Variants in ZNF655 observed in about 807,000 individuals in gnomAD.
The protein encoded by ZNF655 is zinc finger protein 655.
Under a neutral mutation model 6.6 loss-of-function variants are expected in ZNF655, and 3 were observed. The ratio of observed to expected loss-of-function variants is 0.46; its 90% CI spans 0.21 to 1.18. ZNF655 has a LOEUF of 1.18. Among genes scored for constraint, ZNF655 ranks in the 50% most tolerant of loss-of-function variants. ZNF655 has a pLI of 0.24. For missense variants in ZNF655, 526 were observed against 572.3 expected (o/e 0.92, Z 0.83); for synonymous variants, 178 against 195.0 (o/e 0.91, Z 0.73).
intron 2 of ZNF655, 86 bp from the exon 3 acceptor site, chr7:99,572,159 A>AT (rs1341179321): frequency 7.2e-7 from 1 of 1,394,118 alleles, no homozygotes; most frequent in African/African-American, 1.4e-5. Flanking sequence ...TAGATACTAC[A>AT]TTGTTTAGTT....
intron 2 of ZNF655, 190 bp downstream of exon 2, chr7:99,560,885 A>C (rs1803092433): frequency 1.3e-5 from 7 of 538,312 alleles, no homozygotes; most frequent in African/African-American, 3.8e-5. Flanking sequence ...AGGATAGCTC[A>C]TCTTTCTCAA....
At chr7:99,565,329 T>C (rs752525171) in intron 2 of ZNF655, among the ~76,000 whole-genome samples, 1 of 152,086 alleles carries the variant, frequency 6.6e-6, no homozygotes, top group South Asian at 2.1e-4. Flanking sequence ...CCACCATGCC[T>C]GGCTAATCTT....
At chr7:99,562,481 C>T (rs376640653) in intron 2 of ZNF655, 5 of 1,612,776 alleles carry the variant, frequency 3.1e-6, no homozygotes, top group South Asian at 1.1e-5. Context: ...ATTATGGGAA[C>T]GTGGTCTCAC....
At position 99,568,451 on chromosome 7, in the gene ZNF655, C is replaced by T. The variant is rs750233003; in HGVS notation, c.137-3794C>T. ...ATTTTTAGTAGAGACAGGGTTTCAC[C>T]GTGTTAGCCAGGATGGTCTCGATCT... On this transcript the variant is annotated intron_variant, in intron 2 of 2. Coordinates refer to ENST00000252713, the MANE Select transcript of ZNF655 (RefSeq NM_138494.3). 2.3e-4 allele frequency among the ~76,000 whole-genome samples: 35 copies of T among 151,918 alleles called. No individual in the cohort carries two copies. The Middle Eastern group carries it at 0.014, about 59-fold the overall frequency.
intron 1 of ZNF655, among the ~76,000 whole-genome samples, chr7:99,559,271 G>C (rs1324620218): frequency 3.3e-5 from 5 of 152,238 alleles, no homozygotes; most frequent in Admixed American, 6.5e-5. Context: ...TAGCTGGTCT[G>C]AGTTAGCGAA....
At chr7:99,564,229 G>A in intron 2 of ZNF655, 4 of 1,362,858 alleles carry the variant, frequency 2.9e-6, no homozygotes, top group Non-Finnish European at 3.8e-6. Flanking sequence ...ATGGTTGGTG[G>A]TCATCATCTA....
At chr7:99,571,849 C>G (rs1804098023) in intron 2 of ZNF655, 2 of 1,223,508 alleles carry the variant, frequency 1.6e-6, no homozygotes, top group South Asian at 2.8e-5. Flanking sequence ...ATTGTTGAGC[C>G]AAGTTGTAGC....
Position 99,572,605 on chromosome 7 carries a change from TCAAC to T in ZNF655, c.500_503del (p.Asn167ArgfsTer11). 1 of 1,613,694 alleles carries T rather than the reference TCAAC, an allele frequency of 6.2e-7. No individual in the cohort carries two copies. The stretch of plus-strand genomic sequence containing the variant: ...GACAATGATAAGTATGACATGAGCT[TCAAC>T]CAGAATTCAGCCTCTGGTAAACATG... On this transcript the variant is annotated frameshift_variant, in exon 3 of 3. Transcript: ENST00000252713. LOFTEE classifies it low-confidence loss of function (END_TRUNC).
In ZNF655 at chr7:99,572,920, A is replaced by G. The variant is rs1804190315; in HGVS notation, c.812A>G (p.Glu271Gly). 1 of 1,614,042 alleles carries G rather than the reference A, an allele frequency of 6.2e-7. No homozygotes were observed. Among genetic ancestry groups the G allele is most frequent in the Non-Finnish European group, 8.5e-7 (1 of 1,180,014 alleles). The change falls in exon 3 of 3, where the codon GAA (glutamate) becomes GGA (glycine). Residue 271 changes from glutamate (E) to glycine (G), a missense_variant. Glu to Gly is a moderately conservative substitution (Grantham distance 98). Coordinates refer to ENST00000252713, the MANE Select transcript of ZNF655 (RefSeq NM_138494.3). The stretch of plus-strand genomic sequence containing the variant: ...ACTAGAGAAAAACCTTACAAATGTG[A>G]AGCATCTGATAAATCCTGTGAAGCG... ...IHTREKPYKC[E>G]ASDKSCEASD...
chr7:99,568,210 G>A (rs2151162814), intron 2 of ZNF655, among the ~76,000 whole-genome samples: 1 of 151,782 alleles, frequency 6.6e-6, no homozygotes, highest in South Asian at 2.1e-4. Flanking sequence ...TTTATTTATA[G>A]TGGAGTTTCC....
intron 2 of ZNF655, chr7:99,563,859 G>C: frequency 6.2e-7 from 1 of 1,606,978 alleles, no homozygotes; most frequent in Non-Finnish European, 8.5e-7. Context: ...TTTAATCTTT[G>C]TAGGCATACT....
At chr7:99,560,417 C>G (rs1803034094) in intron 1 of ZNF655, 116 bp from the exon 2 acceptor site, 1 of 1,068,526 alleles carries the variant, frequency 9.4e-7, no homozygotes, top group Non-Finnish European at 1.3e-6. Flanking sequence ...TAATCATTAT[C>G]AACTAATTTT....
chr7:99,563,922 A>G (rs138668147), intron 2 of ZNF655: 15 of 1,613,456 alleles, frequency 9.3e-6, no homozygotes, highest in Non-Finnish European at 1.3e-5. Context: ...CCCGGCCCTG[A>G]GTCATACCCA....
At chr7:99,562,561 A>G (rs1803280190) in intron 2 of ZNF655, 12 of 1,543,498 alleles carry the variant, frequency 7.8e-6, no homozygotes, top group African/African-American at 6.9e-5. Flanking sequence ...CTTCCTAAGT[A>G]TAAGGTCTCT....
chr7:99,571,022 A>G lies in ZNF655; in HGVS notation c.137-1223A>G, dbSNP rs79418557. The G allele has an allele frequency of 8.0e-3, 1,773 of 222,138 alleles. 23 individuals are homozygous for G. Among genetic ancestry groups the G allele is most frequent in the African/African-American group, 0.038 (1,609 of 42,548 alleles). The allele number at this position is 222,138 out of a possible 1,614,324, so 13.8% of individuals were successfully genotyped here. On this transcript the variant is annotated intron_variant, in intron 2 of 2. Transcript: ENST00000252713. ...TATTTTATTGTAGTTAGTTGTTTAG[A>G]GCTGTCTCTGTGTAGAGTGTGAGGT... is the stretch of plus-strand genomic sequence containing the variant.
Position 99,572,466 on chromosome 7 carries a change from A to G in ZNF655, c.358A>G (p.Lys120Glu). 1 of 1,613,976 alleles carries G rather than the reference A, an allele frequency of 6.2e-7. No individual in the cohort carries two copies. Among genetic ancestry groups the G allele is most frequent in the Non-Finnish European group, 8.5e-7 (1 of 1,179,934 alleles). Residue 120 changes from lysine (K) to glutamate (E), a missense_variant, in exon 3 of 3, where the codon AAG becomes GAG. Coordinates refer to ENST00000252713, the MANE Select transcript of ZNF655 (RefSeq NM_138494.3). Reference protein sequence around the residue: ...EREFRQITISKETFTSEKNNE... With the variant: ...EREFRQITISEETFTSEKNNE... ...AGAGTTTAGGCAAATAACAATCAGC[A>G]AGGAAACCTTCACCAGTGAGAAGAA...
At chr7:99,562,913 T>C (rs1803317585) in intron 2 of ZNF655, among the ~76,000 whole-genome samples, 1 of 152,214 alleles carries the variant, frequency 6.6e-6, no homozygotes, top group Non-Finnish European at 1.5e-5. Flanking sequence ...TTCCCATTTT[T>C]CTAGGAAAAA....
At chr7:99,560,181 T>G (rs1338513564) in intron 1 of ZNF655, among the ~76,000 whole-genome samples, 1 of 151,716 alleles carries the variant, frequency 6.6e-6, no homozygotes, top group Admixed American at 6.6e-5. Context: ...GCCTTCTGTA[T>G]TCAAGCAATT....
At position 99,565,971 on chromosome 7, in the gene ZNF655, C is replaced by G. The variant is rs566146030; in HGVS notation, c.136+5276C>G. Among the ~76,000 whole-genome samples, 79 of 148,642 alleles carry G rather than the reference C, an allele frequency of 5.3e-4. No homozygotes were observed. The East Asian group carries it at 0.015, about 29-fold the overall frequency. ...TGGGTACTATATATATGTATGTATA[C>G]ACACACACACACATATGTATATACA... is the stretch of plus-strand genomic sequence containing the variant. On this transcript the variant is annotated intron_variant, in intron 2 of 2. Coordinates refer to ENST00000252713, the MANE Select transcript of ZNF655 (RefSeq NM_138494.3).
Sources: allele counts gnomAD v4.1 joint callset (sites outside exome capture counted in the v4.1 genomes callset), GRCh38; gene constraint gnomAD v4.1.1; transcripts MANE v1.5; gene names NCBI Gene and HGNC (gene_info 2026-07-23, HGNC 2026-07-21).